Variants in SLC4A10 observed in about 807,000 individuals in gnomAD.
The protein encoded by SLC4A10 is solute carrier family 4 member 10, also known as sodium-driven chloride bicarbonate exchanger.
SLC4A10 carries 42 observed loss-of-function variants against 137.7 expected under a neutral mutation model. The ratio of observed to expected loss-of-function variants is 0.30; its 90% CI spans 0.24 to 0.39. SLC4A10 has a LOEUF of 0.39. Ranked by LOEUF, SLC4A10 falls within the 10% of genes least tolerant of loss-of-function variation. The pLI is 1.00. For synonymous variants in SLC4A10, 474 were observed against 464.1 expected (o/e 1.02, Z -0.27); for missense variants, 925 against 1,355.0 (o/e 0.68, Z 4.98).
chr2:161,970,499 G>A (rs574442519), intron 23 of SLC4A10, among the ~76,000 whole-genome samples: 3 of 152,242 alleles, frequency 2.0e-5, no homozygotes, highest in East Asian at 3.9e-4. Flanking sequence ...TTACTCTTGG[G>A]CAAAATAAAA....
intron 1 of SLC4A10, among the ~76,000 whole-genome samples, chr2:161,736,122 C>T (rs2047316169): frequency 6.6e-6 from 1 of 151,882 alleles, no homozygotes; most frequent in South Asian, 2.1e-4. Context: ...TATTAATTGG[C>T]TTTTAAATAT....
chr2:161,632,440 C>T (rs2033728571), intron 1 of SLC4A10, among the ~76,000 whole-genome samples: 1 of 151,658 alleles, frequency 6.6e-6, no homozygotes, highest in South Asian at 2.1e-4. Flanking sequence ...ATACACACAA[C>T]AAACCCAACA....
chr2:161,742,835 C>G (rs1240062280), intron 1 of SLC4A10, among the ~76,000 whole-genome samples: 1 of 152,074 alleles, frequency 6.6e-6, no homozygotes, highest in Non-Finnish European at 1.5e-5. Context: ...TCTCATCATA[C>G]TTTTGGTTTG....
intron 1 of SLC4A10, among the ~76,000 whole-genome samples, chr2:161,705,842 G>A (rs1336102578): frequency 1.3e-5 from 2 of 151,432 alleles, no homozygotes; most frequent in South Asian, 2.1e-4. Flanking sequence ...CAGTCCAAGG[G>A]TGTTCTGCTA....
At chr2:161,806,682 C>A (rs2056000881) in intron 3 of SLC4A10, among the ~76,000 whole-genome samples, 1 of 152,102 alleles carries the variant, frequency 6.6e-6, no homozygotes, top group African/African-American at 2.4e-5. Context: ...CCTGAGACCA[C>A]CTGAGATTGC....
chr2:161,694,230 G>A (rs1157948603), intron 1 of SLC4A10, among the ~76,000 whole-genome samples: 2 of 151,878 alleles, frequency 1.3e-5, no homozygotes. Context: ...TGCATTTAGG[G>A]ATTAATGATG....
intron 2 of SLC4A10, among the ~76,000 whole-genome samples, chr2:161,790,405 G>T (rs1219989110): frequency 6.6e-6 from 1 of 152,054 alleles, no homozygotes; most frequent in Non-Finnish European, 1.5e-5. Context: ...CTTTGAAAAA[G>T]AACCATTTAT....
intron 3 of SLC4A10, among the ~76,000 whole-genome samples, chr2:161,805,867 G>A (rs982410272): frequency 6.6e-6 from 1 of 152,194 alleles, no homozygotes; most frequent in Admixed American, 6.5e-5. Flanking sequence ...TTTTCTCACA[G>A]CTCCACTAGG....
At chr2:161,703,932 G>A (rs547525725) in intron 1 of SLC4A10, among the ~76,000 whole-genome samples, 6 of 151,742 alleles carry the variant, frequency 4.0e-5, no homozygotes, top group African/African-American at 7.2e-5. Flanking sequence ...GAAATGGCCA[G>A]CCTCCATCTA....
intron 15 of SLC4A10, among the ~76,000 whole-genome samples, chr2:161,933,460 A>G (rs1243272397): frequency 6.6e-6 from 1 of 150,858 alleles, no homozygotes; most frequent in Admixed American, 6.6e-5. Context: ...TGGCACAATC[A>G]TAGCTCACTG....
At chr2:161,656,371 C>T (rs1005540852) in intron 1 of SLC4A10, among the ~76,000 whole-genome samples, 1 of 151,952 alleles carries the variant, frequency 6.6e-6, no homozygotes, top group Non-Finnish European at 1.5e-5. Flanking sequence ...ATTTTAGTGG[C>T]AGAGTATTAA....
chr2:161,735,738 C>A (rs113716646), intron 1 of SLC4A10, among the ~76,000 whole-genome samples: 11 of 152,124 alleles, frequency 7.2e-5, no homozygotes, highest in Admixed American at 6.5e-4. Flanking sequence ...GTGCCATACT[C>A]GGCTTGACTC....
chr2:161,823,903 T>C (rs1414506747), intron 3 of SLC4A10, among the ~76,000 whole-genome samples: 2 of 152,158 alleles, frequency 1.3e-5, no homozygotes, highest in East Asian at 3.9e-4. Context: ...AGGTTTATGA[T>C]CAAGACTACC....
Position 161,894,658 on chromosome 2 carries a change from AT to A in SLC4A10, c.1195-20del. ...TATAATTATTTTTAAGCTATAAATA[AT>A]ATTTCTATTTCTTCTAAAGGTATTT... On this transcript the variant is annotated intron_variant, in intron 10 of 26. Coordinates refer to ENST00000446997, the MANE Select transcript of SLC4A10 (RefSeq NM_001178015.2). 1 of 1,245,796 alleles carries A rather than the reference AT, an allele frequency of 8.0e-7. No individual in the cohort carries two copies. Among genetic ancestry groups the A allele is most frequent in the Middle Eastern group, 2.1e-4 (1 of 4,808 alleles). The allele number at this position is 1,245,796 out of a possible 1,614,324, so 77.2% of individuals were successfully genotyped here.
intron 1 of SLC4A10, among the ~76,000 whole-genome samples, 188 bp downstream of exon 1, chr2:161,624,754 C>T (rs536759265): frequency 6.6e-5 from 10 of 151,126 alleles, no homozygotes; most frequent in African/African-American, 2.4e-4. Context: ...GATTCTCCTC[C>T]CCCCCCCTTC....
rs180792220 is a variant in SLC4A10, at chr2:161,822,700, C to T, written c.278-17089C>T. Among the ~76,000 whole-genome samples, 41 of 152,206 alleles carry T rather than the reference C, an allele frequency of 2.7e-4. No individual in the cohort carries two copies. In the East Asian group the frequency reaches 5.8e-3, roughly 21 times the overall value. ...TTATATTAAAAATGTATGGGCCAGG[C>T]GCAGTGGCTCATGCCTGTAATCCCA... On this transcript the variant is annotated intron_variant, in intron 3 of 26. Coordinates refer to ENST00000446997, the MANE Select transcript of SLC4A10 (RefSeq NM_001178015.2).
chr2:161,778,193 C>T (rs2052603636), intron 2 of SLC4A10, among the ~76,000 whole-genome samples: 1 of 151,596 alleles, frequency 6.6e-6, no homozygotes, highest in Admixed American at 6.6e-5. Flanking sequence ...CAAATTAACA[C>T]CTTCTCATAT....
rs1234687784 is a variant in SLC4A10, at chr2:161,933,664, G to A, written c.1998-9128G>A. Among the ~76,000 whole-genome samples the A allele has an allele frequency of 4.6e-5, 7 of 152,258 alleles. No homozygotes were observed. The East Asian group carries it at 9.7e-4, about 21-fold the overall frequency. The stretch of plus-strand genomic sequence containing the variant: ...CCTGCCTTGGCCTCCCAAAATGCAG[G>A]GATTACAGGCATGAGCCCCCACACT... On this transcript the variant is annotated intron_variant, in intron 15 of 26. Transcript: ENST00000446997.
intron 6 of SLC4A10, 99 bp from the exon 7 acceptor site, chr2:161,872,194 A>T: frequency 1.4e-6 from 1 of 704,334 alleles, no homozygotes; most frequent in Non-Finnish European, 2.4e-6. Context: ...ATTTATTAAG[A>T]AACCTGTTAG....
Sources: gnomAD v4.1 joint callset for allele counts (sites outside exome capture counted in the v4.1 genomes callset) on GRCh38, gnomAD v4.1.1 for gene constraint, MANE v1.5 for transcripts, NCBI Gene and HGNC (gene_info 2026-07-23, HGNC 2026-07-21) for gene names.